The following HAND1 variants were observed in gnomAD, a reference collection of about 807,000 sequenced individuals.
HAND1 encodes the protein heart and neural crest derivatives expressed 1, also known as heart- and neural crest derivatives-expressed protein 1.
HAND1 carries 10 observed loss-of-function variants against 14.5 expected under a neutral mutation model. The observed-to-expected ratio is 0.69, with a 90% CI of 0.42 to 1.17. HAND1 has a LOEUF of 1.17. Ranked by LOEUF, HAND1 falls within the 50% of genes most tolerant of loss-of-function variation. HAND1 has a pLI of 0.00. For synonymous variants in HAND1, 128 were observed against 127.1 expected (o/e 1.01, Z -0.05); for missense variants, 299 against 298.4 (o/e 1.00, Z -0.01).
Position 154,478,125 on chromosome 5 carries a change from G to C in HAND1, c.-117C>G. On this transcript the variant is annotated 5_prime_UTR_variant, in exon 1 of 2. Coordinates refer to ENST00000231121, the MANE Select transcript of HAND1 (RefSeq NM_004821.3). The surrounding 1 kb of genome is among the most constrained non-coding windows in gnomAD (Gnocchi z 4.5). ...CCACTACTGGGCGCCGGCTTTGGGA[G>C]AGTCCGGGCAAGGCTGAAAATGAGA... is the stretch of plus-strand genomic sequence containing the variant. 8.6e-7 allele frequency: 1 copy of C among 1,169,028 alleles called. No individual in the cohort carries two copies. Among genetic ancestry groups the C allele is most frequent in the Non-Finnish European group, 1.2e-6 (1 of 805,732 alleles). The allele number at this position is 1,169,028 out of a possible 1,614,324, so 72.4% of individuals were successfully genotyped here.
intron 1 of HAND1, 151 bp from the exon 2 acceptor site, chr5:154,476,061 C>A (rs1757536534): frequency 1.4e-6 from 1 of 722,136 alleles, no homozygotes. Context: ...TTTCTGTTTG[C>A]GAAATAGGCA....
intron 1 of HAND1, among the ~76,000 whole-genome samples, chr5:154,476,755 C>G (rs989336376): frequency 6.6e-5 from 10 of 152,292 alleles, no homozygotes; most frequent in African/African-American, 2.4e-4. Context: ...CAGCCCCGGA[C>G]AGCCAGACCG....
Position 154,477,613 on chromosome 5 carries a change from C to T in HAND1, c.396G>A (p.Lys132=), listed in dbSNP as rs1465345066. Residue 132 remains lysine (K), a synonymous_variant, in exon 1 of 2, where the codon AAG becomes AAA. Coordinates refer to ENST00000231121, the MANE Select transcript of HAND1 (RefSeq NM_004821.3). ...PNVPADTKLS[K]IKTLRLATSY... ...TGGTGGCTAGGCGCAGAGTCTTGAT[C>T]TTGGAGAGCTTGGTGTCGGCCGGCA... The T allele has an allele frequency of 1.2e-6, 2 of 1,614,138 alleles. No homozygotes were observed. The highest frequency in any genetic ancestry group is 1.7e-6 in the Non-Finnish European group (2 of 1,180,056).
At chr5:154,476,033 C>T in intron 1 of HAND1, 123 bp from the exon 2 acceptor site, 1 of 756,496 alleles carries the variant, frequency 1.3e-6, no homozygotes, top group Non-Finnish European at 2.4e-6. Flanking sequence ...AACTGGGAGT[C>T]TTTAAATAAG....
In HAND1 at chr5:154,475,861, A is replaced by G; in HGVS notation, c.593T>C (p.Ile198Thr). The change falls in exon 2 of 2, where the codon ATT becomes ACT. Residue 198 changes from isoleucine (I) to threonine (T), a missense_variant. Physicochemically the swap from Ile to Thr is moderately conservative, Grantham distance 89. Transcript: ENST00000231121. ...CTGCGGCCAGCCGGTGCGTCCTTTA[A>G]TCCTCTTCTCGACTGGGCCCAGGGC... ...PPALGPVEKR[I>T]KGRTGWPQQV... 6.2e-7 allele frequency: 1 copy of G among 1,614,114 alleles called. No homozygotes were observed. Among genetic ancestry groups the G allele is most frequent in the Non-Finnish European group, 8.5e-7 (1 of 1,179,984 alleles).
rs1043638166 is a variant in HAND1 at position 154,477,664 on chromosome 5, C to A, written c.345G>T (p.Ala115=). ...RRTESINSAF[A]ELRECIPNVP... ...CGTTGGGGATGCACTCGCGCAACTCCGCGAATGCGCTGTTAATGCTCTCAG... is the reference window on the plus strand; with the variant it reads ...CGTTGGGGATGCACTCGCGCAACTCAGCGAATGCGCTGTTAATGCTCTCAG... Residue 115 remains alanine, a synonymous_variant, in exon 1 of 2, where the codon GCG becomes GCT. Coordinates refer to ENST00000231121, the MANE Select transcript of HAND1 (RefSeq NM_004821.3). The A allele has an allele frequency of 2.5e-6, 4 of 1,614,110 alleles. No homozygotes were observed. The highest frequency in any genetic ancestry group is 3.4e-6 in the Non-Finnish European group (4 of 1,180,052).
rs1757522567 is a variant in HAND1 at position 154,475,280 on chromosome 5, A to T, written c.*526T>A. On this transcript the variant is annotated 3_prime_UTR_variant, in exon 2 of 2. Transcript: ENST00000231121. ...GCAGCGACAAAAAGAAAAATAAAAT[A>T]AAACCACCACGATTCGAAGAACAAA... 6.5e-6 allele frequency: 1 copy of T among 154,240 alleles called. No individual in the cohort carries two copies. The allele number at this position is 154,240 out of a possible 1,614,324, so 9.6% of individuals were successfully genotyped here.
intron 1 of HAND1, among the ~76,000 whole-genome samples, chr5:154,477,131 T>G (rs776204820): frequency 1.3e-5 from 2 of 152,160 alleles, no homozygotes; most frequent in African/African-American, 2.4e-5. Context: ...TAACACATAT[T>G]CTTAACCTGG....
chr5:154,477,384 GCCTCCTTC>G, intron 1 of HAND1, 74 bp downstream of exon 1: 1 of 1,095,418 alleles, frequency 9.1e-7, no homozygotes, highest in Non-Finnish European at 1.4e-6. Context: ...GGACAACACA[GCCTCCTTC>G]GACTACCTGC....
Position 154,478,111 on chromosome 5 carries a change from C to T in HAND1, c.-103G>A. 5 of 1,375,144 alleles carry T rather than the reference C, an allele frequency of 3.6e-6. No homozygotes were observed. The South Asian group carries it at 5.9e-5, about 16-fold the overall frequency. 85.2% of individuals were successfully genotyped at this position (1,375,144 alleles called of 1,614,324 possible). On this transcript the variant is annotated 5_prime_UTR_variant, in exon 1 of 2. Transcript: ENST00000231121. The surrounding 1 kb of genome is among the most constrained non-coding windows in gnomAD (Gnocchi z 4.5). ...TGTGGGCTCTGGAGCCACTACTGGG[C>T]GCCGGCTTTGGGAGAGTCCGGGCAA...
rs1757527199 is a variant in HAND1, at chr5:154,475,542, GCCAAGGGCCGC to G, written c.*253_*263del. On this transcript the variant is annotated 3_prime_UTR_variant, in exon 2 of 2. Transcript: ENST00000231121. ...CAGTCCCTCCTTCTTGCATGTTGCC[GCCAAGGGCCGC>G]CCTCGGTTGGGCTGGGGGTGGATAT... 2.0e-6 allele frequency: 1 copy of G among 493,398 alleles called. No homozygotes were observed. The highest frequency in any genetic ancestry group is 3.7e-6 in the Non-Finnish European group (1 of 270,982). The allele number at this position is 493,398 out of a possible 1,614,324, so 30.6% of individuals were successfully genotyped here. A position where few individuals can be genotyped will look rare whatever the true frequency, so the allele number is the denominator to read the frequency against.
rs1757577083 is a variant in HAND1, at chr5:154,477,988, G to A, written c.21C>T (p.Tyr7=). MNLVGS[Y]AHHHHHHHPH... Reference sequence around the variant, plus strand: ...GGTGGTGATGGTGGTGATGGTGTGCGTAGCTGCCCACGAGGTTCATGTTGG... The same window carrying A: ...GGTGGTGATGGTGGTGATGGTGTGCATAGCTGCCCACGAGGTTCATGTTGG... The change falls in exon 1 of 2, where the codon TAC becomes TAT. Residue 7 remains tyrosine (Y), a synonymous_variant. Transcript: ENST00000231121. The A allele has an allele frequency of 6.3e-7, 1 of 1,598,066 alleles. No homozygotes were observed. Among genetic ancestry groups the A allele is most frequent in the Non-Finnish European group, 8.5e-7 (1 of 1,179,864 alleles).
rs1481488405 is a variant in HAND1, at chr5:154,477,645, G to A, written c.364C>T (p.Pro122Ser). The part of the protein sequence containing the change: ...SAFAELRECI[P>S]NVPADTKLSK... ...AGCTTGGTGTCGGCCGGCACGTTGG[G>A]GATGCACTCGCGCAACTCCGCGAAT... Residue 122 changes from proline (P) to serine (S), a missense_variant, in exon 1 of 2, where the codon CCC becomes TCC. By Grantham distance (74) the Pro-to-Ser change is moderately conservative (BLOSUM62 -1). Transcript: ENST00000231121. 5 of 1,614,258 alleles carry A rather than the reference G, an allele frequency of 3.1e-6. No homozygotes were observed. Among genetic ancestry groups the A allele is most frequent in the Non-Finnish European group, 4.2e-6 (5 of 1,180,054 alleles).
Position 154,478,174 on chromosome 5 carries a change from C to G in HAND1, c.-166G>C. ...GACGCGCAGCCCACTGTCTTCTTAC[C>G]GGTTTCTGCCGCGGGCGAGGTCGCC... On this transcript the variant is annotated 5_prime_UTR_variant, in exon 1 of 2. Coordinates refer to ENST00000231121, the MANE Select transcript of HAND1 (RefSeq NM_004821.3). This position sits in a 1 kb window ranked among gnomAD's most constrained non-coding sequence, Gnocchi z 4.5. 1 of 733,676 alleles carries G rather than the reference C, an allele frequency of 1.4e-6. No homozygotes were observed. Among genetic ancestry groups the G allele is most frequent in the South Asian group, 1.8e-5 (1 of 56,210 alleles). The allele number at this position is 733,676 out of a possible 1,614,324, so 45.4% of individuals were successfully genotyped here. A position where few individuals can be genotyped will look rare whatever the true frequency, so the allele number is the denominator to read the frequency against.
rs377227398 is a variant in HAND1, at chr5:154,476,182, C to A, written c.544-272G>T. ...TGTTCTGCGTCTGGTGAAACTGACG[C>A]GCGTTGATTTGGCTTTAGGACACCT... is the stretch of plus-strand genomic sequence containing the variant. On this transcript the variant is annotated intron_variant, in intron 1 of 1. Coordinates refer to ENST00000231121, the MANE Select transcript of HAND1 (RefSeq NM_004821.3). Among the ~76,000 whole-genome samples the A allele has an allele frequency of 2.0e-5, 3 of 152,038 alleles. No individual in the cohort carries two copies. In the East Asian group the frequency reaches 5.8e-4, roughly 29 times the overall value.
At position 154,477,652 on chromosome 5, in the gene HAND1, C is replaced by A; in HGVS notation, c.357G>T (p.Glu119Asp). The change falls in exon 1 of 2, where the codon GAG becomes GAT. Residue 119 changes from glutamate to aspartate, a missense_variant. Physicochemically the swap from Glu to Asp is conservative, Grantham distance 45. Transcript: ENST00000231121. ...TGTCGGCCGGCACGTTGGGGATGCA[C>A]TCGCGCAACTCCGCGAATGCGCTGT... ...SINSAFAELRECIPNVPADTK... is the reference protein window; with the variant it reads ...SINSAFAELRDCIPNVPADTK... 2 of 1,614,246 alleles carry A rather than the reference C, an allele frequency of 1.2e-6. No homozygotes were observed. The highest frequency in any genetic ancestry group is 1.7e-6 in the Non-Finnish European group (2 of 1,180,046).
chr5:154,476,872 A>C (rs1757550799), intron 1 of HAND1, among the ~76,000 whole-genome samples: 1 of 152,232 alleles, frequency 6.6e-6, no homozygotes, highest in South Asian at 2.1e-4. Context: ...AAAGCCACTG[A>C]AGTCGTCCTC....
rs745362462 is a variant in HAND1, at chr5:154,477,936, C to T, written c.73G>A (p.Glu25Lys). Residue 25 changes from glutamate (E) to lysine (K), a missense_variant, in exon 1 of 2, where the codon GAA becomes AAA. Coordinates refer to ENST00000231121, the MANE Select transcript of HAND1 (RefSeq NM_004821.3). ...GAGGCCGGACCGAAGAGGAAGGGTT[C>T]GTGGAGCATGGGGTGCGCAGGGTGC... is the stretch of plus-strand genomic sequence containing the variant. ...HPHPAHPMLH[E>K]PFLFGPASRC... 1 of 1,598,710 alleles carries T rather than the reference C, an allele frequency of 6.3e-7. No homozygotes were observed. The highest frequency in any genetic ancestry group is 8.5e-7 in the Non-Finnish European group (1 of 1,179,850).
chr5:154,476,251 G>T (rs576647456), intron 1 of HAND1, among the ~76,000 whole-genome samples: 7 of 152,182 alleles, frequency 4.6e-5, no homozygotes, highest in African/African-American at 1.7e-4. Context: ...GGAAATCCAC[G>T]GTTCTCCCGC....
Sources: allele counts gnomAD v4.1 joint callset (sites outside exome capture counted in the v4.1 genomes callset), GRCh38; gene constraint gnomAD v4.1.1; non-coding constraint Gnocchi (gnomAD v3.1); transcripts MANE v1.5; gene names NCBI Gene and HGNC (gene_info 2026-07-23, HGNC 2026-07-21).